Variants in NCOA2 observed in about 807,000 individuals in gnomAD.
NCOA2 encodes nuclear receptor coactivator 2, also known as class E basic helix-loop-helix protein 75.
NCOA2 carries 21 observed loss-of-function variants against 145.1 expected under a neutral mutation model. The observed-to-expected ratio is 0.14, with a 90% CI of 0.10 to 0.21. NCOA2 has a LOEUF of 0.21. NCOA2 is among the 10% of genes least tolerant of loss of function. The pLI is 1.00. For synonymous variants in NCOA2, 619 were observed against 637.5 expected (o/e 0.97, Z 0.44); for missense variants, 1,472 against 1,837.6 (o/e 0.80, Z 3.64).
rs757619879 is a variant in NCOA2, at chr8:70,129,350, A to G, written c.3325-370T>C. 1.4e-3 allele frequency among the ~76,000 whole-genome samples: 216 copies of G among 152,290 alleles called. 2 individuals are homozygous for G. Among genetic ancestry groups the G allele is most frequent in the Non-Finnish European group, 2.7e-3 (184 of 68,030 alleles). Reference sequence around the variant, plus strand: ...GTGTTAAGTTTTTGATTGATTATTCATATCTGTAGAGTTCATTTTAATTAG... The same window carrying G: ...GTGTTAAGTTTTTGATTGATTATTCGTATCTGTAGAGTTCATTTTAATTAG... On this transcript the variant is annotated intron_variant, in intron 16 of 22. Transcript: ENST00000452400.
At chr8:70,289,459 T>C (rs192289013) in intron 2 of NCOA2, among the ~76,000 whole-genome samples, 4 of 152,330 alleles carry the variant, frequency 2.6e-5, no homozygotes, top group Admixed American at 2.6e-4. Context: ...ACTGAAACTC[T>C]GGCCTATCAC....
intron 1 of NCOA2, among the ~76,000 whole-genome samples, chr8:70,394,535 T>C (rs1279760063): frequency 6.6e-6 from 1 of 152,212 alleles, no homozygotes; most frequent in Non-Finnish European, 1.5e-5. Context: ...ACATTAATAT[T>C]ACTTAAAACA....
intron 6 of NCOA2, among the ~76,000 whole-genome samples, chr8:70,169,303 G>A (rs770447853): frequency 6.6e-6 from 1 of 152,192 alleles, no homozygotes; most frequent in Non-Finnish European, 1.5e-5. Context: ...GGAAATTCCA[G>A]ACAGGGAGAG....
chr8:70,294,876 TA>T (rs1352332114), intron 2 of NCOA2, among the ~76,000 whole-genome samples: 4 of 152,214 alleles, frequency 2.6e-5, no homozygotes, highest in Non-Finnish European at 4.4e-5. Flanking sequence ...GAGCAATAAG[TA>T]ATAGTTGTTA....
chr8:70,205,003 G>C (rs1211782617), intron 4 of NCOA2, among the ~76,000 whole-genome samples: 4 of 152,070 alleles, frequency 2.6e-5, no homozygotes, highest in Admixed American at 6.6e-5. Flanking sequence ...GCAAGACCTT[G>C]TCTCAAAAAA....
intron 4 of NCOA2, among the ~76,000 whole-genome samples, chr8:70,199,308 G>C (rs755451732): frequency 2.0e-5 from 3 of 151,908 alleles, no homozygotes; most frequent in Non-Finnish European, 2.9e-5. Context: ...AAAATTACCT[G>C]GGTGTGGTGG....
At chr8:70,393,837 G>A (rs1813420924) in intron 1 of NCOA2, among the ~76,000 whole-genome samples, 1 of 152,218 alleles carries the variant, frequency 6.6e-6, no homozygotes, top group Non-Finnish European at 1.5e-5. Context: ...TTGCATGAGT[G>A]TCCTTTAACC....
At chr8:70,406,480 T>C (rs1002227892), upstream of NCOA2, among the ~76,000 whole-genome samples, 1 of 152,004 alleles carries the variant, frequency 6.6e-6, no homozygotes, top group Non-Finnish European at 1.5e-5. Flanking sequence ...GGCAAAGATA[T>C]AGGAACTAGG....
chr8:70,386,061 C>T (rs1249975564), intron 1 of NCOA2, among the ~76,000 whole-genome samples: 1 of 152,198 alleles, frequency 6.6e-6, no homozygotes, highest in East Asian at 1.9e-4. Context: ...AATCTCCACA[C>T]TTCTCAGGTT....
chr8:70,319,177 G>A (rs1166450140), intron 1 of NCOA2, among the ~76,000 whole-genome samples: 1 of 152,120 alleles, frequency 6.6e-6, no homozygotes, highest in African/African-American at 2.4e-5. Context: ...TTGGGAAACT[G>A]GCATCTGTAC....
At chr8:70,164,398 A>T (rs964606015) in intron 7 of NCOA2, among the ~76,000 whole-genome samples, 6 of 152,216 alleles carry the variant, frequency 3.9e-5, no homozygotes, top group Admixed American at 2.6e-4. Flanking sequence ...ATGTCTTCTT[A>T]TATCACTGAT....
intron 4 of NCOA2, among the ~76,000 whole-genome samples, chr8:70,213,404 T>C (rs944416103): frequency 1.3e-5 from 2 of 152,230 alleles, no homozygotes; most frequent in Non-Finnish European, 2.9e-5. Flanking sequence ...GATGGATTTC[T>C]TACTGGAGGT....
chr8:70,424,608 C>T, the NCOA2 span: 1 of 416,760 alleles, frequency 2.4e-6, no homozygotes. Flanking sequence ...GTGCAGGCCT[C>T]CTGTGGAAGA....
rs73288560 is a variant in NCOA2 at position 70,383,015 on chromosome 8, C to T, written c.-77+20685G>A. The stretch of plus-strand genomic sequence containing the variant: ...CCTATTTCAAGATTAAAAACAAATA[C>T]GAAAAATTACAGAAAATGGTAGAAA... On this transcript the variant is annotated intron_variant, in intron 1 of 22. Coordinates refer to ENST00000452400, the MANE Select transcript of NCOA2 (RefSeq NM_006540.4). Among the ~76,000 whole-genome samples, 524 of 152,198 alleles carry T rather than the reference C, an allele frequency of 3.4e-3. 5 individuals carry two copies. The highest frequency in any genetic ancestry group is 0.012 in the African/African-American group (502 of 41,546).
chr8:70,324,694 A>G (rs1021835414), intron 1 of NCOA2, among the ~76,000 whole-genome samples: 1 of 152,190 alleles, frequency 6.6e-6, no homozygotes, highest in Non-Finnish European at 1.5e-5. Context: ...AAGAAAATTA[A>G]TAACCCTTTC....
chr8:70,175,418 G>C (rs1218281562), intron 4 of NCOA2, among the ~76,000 whole-genome samples: 1 of 152,220 alleles, frequency 6.6e-6, no homozygotes, highest in Non-Finnish European at 1.5e-5. Context: ...TGTTCAAAGT[G>C]CTTCTCCATC....
chr8:70,212,790 A>C (rs1819180239), intron 4 of NCOA2, among the ~76,000 whole-genome samples: 1 of 152,164 alleles, frequency 6.6e-6, no homozygotes, highest in Non-Finnish European at 1.5e-5. Flanking sequence ...GCATTCAAAA[A>C]CAGATTACAG....
chr8:70,413,093 G>A, the NCOA2 span, among the ~76,000 whole-genome samples: 29 of 125,788 alleles, frequency 2.3e-4, no homozygotes, highest in Non-Finnish European at 3.8e-4. Flanking sequence ...GTGAGACTCC[G>A]TCTCAAAAAA....
chr8:70,140,584 AC>A (rs1270692748), intron 14 of NCOA2, among the ~76,000 whole-genome samples: 1 of 143,602 alleles, frequency 7.0e-6, no homozygotes, highest in Non-Finnish European at 1.5e-5. Context: ...CTACTGCTGT[AC>A]CACCTAAGTT....
Sources: gnomAD v4.1 joint callset for allele counts (sites outside exome capture counted in the v4.1 genomes callset) on GRCh38, gnomAD v4.1.1 for gene constraint, MANE v1.5 for transcripts, NCBI Gene and HGNC (gene_info 2026-07-23, HGNC 2026-07-21) for gene names.